The following ANK1 variants were observed in gnomAD, a reference collection of about 807,000 sequenced individuals.
ANK1 encodes ankyrin 1.
Under a neutral mutation model 210.4 loss-of-function variants are expected in ANK1, and 51 were observed. The observed-to-expected ratio is 0.24, with a 90% CI of 0.19 to 0.31. The LOEUF is 0.31. ANK1 is among the 10% of genes least tolerant of loss of function. The pLI, the probability that ANK1 is intolerant of heterozygous loss-of-function variation, is 1.00. For synonymous variants in ANK1, 967 were observed against 1,025.9 expected (o/e 0.94, Z 1.10); for missense variants, 2,051 against 2,504.4 (o/e 0.82, Z 3.86).
rs59985416 is a variant in ANK1, at chr8:41,703,450, A to ATATTT, written c.2295+590_2295+591insAAATA. ...TATATATATATATATATATATATAT[A>ATATTT]TTTTTTTTTTTTTTTTAAGACACAA... is the stretch of plus-strand genomic sequence containing the variant. On this transcript the variant is annotated intron_variant, in intron 20 of 42. Coordinates refer to ENST00000289734, the MANE Select transcript of ANK1 (RefSeq NM_000037.4). 2.9e-3 allele frequency among the ~76,000 whole-genome samples: 173 copies of ATATTT among 58,810 alleles called. 1 individual carries two copies. The highest frequency in any genetic ancestry group is 9.8e-3 in the Middle Eastern group (1 of 102). The allele number at this position is 58,810 out of a possible 152,430, so 38.6% of individuals were successfully genotyped here.
chr8:41,661,989 G>A (rs151009668), intron 40 of ANK1, 48 bp from the exon 41 acceptor site: 21 of 1,601,696 alleles, frequency 1.3e-5, no homozygotes, highest in Middle Eastern at 1.7e-4. Context: ...CCGGGCTCGG[G>A]GGCTCATGTC....
intron 38 of ANK1, among the ~76,000 whole-genome samples, chr8:41,669,768 C>T (rs554193424): frequency 5.3e-5 from 8 of 152,356 alleles, no homozygotes; most frequent in East Asian, 1.9e-4. Context: ...AGCCCACAAG[C>T]CCACGGCCCT....
intron 3 of ANK1, among the ~76,000 whole-genome samples, chr8:41,731,764 C>CA (rs2150669447): frequency 6.6e-6 from 1 of 152,292 alleles, no homozygotes; most frequent in South Asian, 2.1e-4. Context: ...TGTTCACTTG[C>CA]AAAATCACAA....
chr8:41,763,133 T>C (rs1200558912), intron 1 of ANK1, among the ~76,000 whole-genome samples: 2 of 151,506 alleles, frequency 1.3e-5, no homozygotes, highest in African/African-American at 2.4e-5. Flanking sequence ...GAAGAATCAC[T>C]TGGACCTGGG....
intron 38 of ANK1, among the ~76,000 whole-genome samples, chr8:41,669,132 G>A (rs558274344): frequency 6.6e-6 from 1 of 151,484 alleles, no homozygotes; most frequent in Admixed American, 6.6e-5. Context: ...CCGGGGTGCA[G>A]TTCTCAGACC....
intron 2 of ANK1, among the ~76,000 whole-genome samples, chr8:41,754,821 G>T (rs1838695123): frequency 6.6e-6 from 1 of 152,164 alleles, no homozygotes; most frequent in Non-Finnish European, 1.5e-5. Context: ...AAACCAAACT[G>T]CCCTGTGCAA....
At chr8:41,880,716 C>A (rs951221710) in intron 1 of ANK1, among the ~76,000 whole-genome samples, 2 of 152,234 alleles carry the variant, frequency 1.3e-5, no homozygotes, top group African/African-American at 4.8e-5. Flanking sequence ...ATAATCTATC[C>A]AGGACACATT....
intron 1 of ANK1, among the ~76,000 whole-genome samples, chr8:41,803,056 AG>A (rs1850285459): frequency 6.0e-4 from 29 of 48,122 alleles, no homozygotes; most frequent in Admixed American, 2.3e-3. Flanking sequence ...AGAAAGAAAG[AG>A]AGAAAGGAAG....
intron 41 of ANK1, 102 bp downstream of exon 41, chr8:41,661,774 C>A: frequency 1.2e-6 from 2 of 1,612,168 alleles, no homozygotes; most frequent in Non-Finnish European, 1.7e-6. Flanking sequence ...GGCGCTGGGT[C>A]CCCCAGGGCC....
At chr8:41,826,106 C>T (rs10504044) in intron 1 of ANK1, among the ~76,000 whole-genome samples, 1 of 151,946 alleles carries the variant, frequency 6.6e-6, no homozygotes, top group Non-Finnish European at 1.5e-5. Flanking sequence ...AATGTCAGAA[C>T]TAGGAAATGT....
At position 41,727,371 on chromosome 8, in the gene ANK1, A is replaced by C. The variant is rs377070966; in HGVS notation, c.328-23T>G. 4.6e-4 allele frequency: 725 copies of C among 1,561,854 alleles called. 1 individual carries two copies. Among genetic ancestry groups the C allele is most frequent in the Non-Finnish European group, 3.3e-4 (375 of 1,133,142 alleles). On this transcript the variant is annotated intron_variant, in intron 4 of 42. Coordinates refer to ENST00000289734, the MANE Select transcript of ANK1 (RefSeq NM_000037.4). ...TTTCTGTAAACCAAGAGAGGACATC[A>C]TTAGCATCCACCCGCAATTTAAGAA...
At chr8:41,824,093 G>A (rs1804939347) in intron 1 of ANK1, among the ~76,000 whole-genome samples, 2 of 151,952 alleles carry the variant, frequency 1.3e-5, no homozygotes, top group African/African-American at 4.8e-5. Context: ...CTGAGTAGCT[G>A]GGATTACAGG....
chr8:41,704,573 G>T lies in ANK1; in HGVS notation c.2098-101C>A. ...GATTCAAAGAGAGAACGGACAGGGA[G>T]CCCCTTGAAGGCTGACATTGACAAG... is the stretch of plus-strand genomic sequence containing the variant. On this transcript the variant is annotated intron_variant, in intron 18 of 42. Coordinates refer to ENST00000289734, the MANE Select transcript of ANK1 (RefSeq NM_000037.4). This position sits in a 1 kb window ranked among gnomAD's most constrained non-coding sequence, Gnocchi z 4.1. 1 of 1,025,678 alleles carries T rather than the reference G, an allele frequency of 9.7e-7. No individual in the cohort carries two copies. The highest frequency in any genetic ancestry group is 1.5e-6 in the Non-Finnish European group (1 of 659,630). 63.5% of individuals were successfully genotyped at this position (1,025,678 alleles called of 1,614,324 possible).
chr8:41,661,024 A>AT (rs1236839088), intron 42 of ANK1: 17 of 275,332 alleles, frequency 6.2e-5, no homozygotes, highest in Non-Finnish European at 1.1e-4. Context: ...TTCAAAGAGC[A>AT]TTTTTTTCTT....
At chr8:41,877,587 T>C (rs752519408) in intron 1 of ANK1, among the ~76,000 whole-genome samples, 3 of 152,370 alleles carry the variant, frequency 2.0e-5, no homozygotes, top group Middle Eastern at 3.4e-3. Context: ...AAAAAGCCAC[T>C]GCTCTCACAG....
Position 41,694,769 on chromosome 8 carries a change from C to G in ANK1, c.3150G>C (p.Arg1050Ser). ...LGSLEELEKK[R>S]VCRIITTDFP... Reference sequence around the variant, plus strand: ...AGTCGGTGGTGATGATTCGGCACACCCTCTTCTTCTCTAGCTCCTCCAGGC... The same window carrying G: ...AGTCGGTGGTGATGATTCGGCACACGCTCTTCTTCTCTAGCTCCTCCAGGC... The change falls in exon 28 of 43, where the codon AGG becomes AGC. Residue 1050 changes from arginine to serine, a missense_variant. Arg to Ser is a moderately radical substitution (Grantham distance 110). Around this residue, in one of 6 missense-constraint regions of ANK1, gnomAD observed 1,413 missense variants for 1,707.4 expected, o/e 0.83. Transcript: ENST00000289734. The surrounding 1 kb of genome is among the most constrained non-coding windows in gnomAD (Gnocchi z 5.7). 2 of 1,614,112 alleles carry G rather than the reference C, an allele frequency of 1.2e-6. No individual in the cohort carries two copies. Among genetic ancestry groups the G allele is most frequent in the Non-Finnish European group, 1.7e-6 (2 of 1,180,000 alleles).
intron 35 of ANK1, among the ~76,000 whole-genome samples, chr8:41,687,022 C>T (rs935190687): frequency 3.3e-5 from 5 of 152,176 alleles, no homozygotes; most frequent in African/African-American, 1.2e-4. Flanking sequence ...CACACGCCCC[C>T]TGAGCAGCCA....
chr8:41,722,404 G>A (rs545234626), intron 9 of ANK1, among the ~76,000 whole-genome samples: 5 of 152,326 alleles, frequency 3.3e-5, no homozygotes, highest in African/African-American at 1.2e-4. Flanking sequence ...ACTGCTCGTG[G>A]GAAACCTCCT....
Position 41,661,713 on chromosome 8 carries a change from A to T in ANK1, c.5545-149T>A. On this transcript the variant is annotated intron_variant, in intron 41 of 42. Coordinates refer to ENST00000289734, the MANE Select transcript of ANK1 (RefSeq NM_000037.4). Reference sequence around the variant, plus strand: ...TGGAGAGAGAGCTCATAAAGAGGTGAGTGGAGGGAGGTGTCATGCAGACGG... The same window carrying T: ...TGGAGAGAGAGCTCATAAAGAGGTGTGTGGAGGGAGGTGTCATGCAGACGG... 2.5e-6 allele frequency: 4 copies of T among 1,598,374 alleles called. No individual in the cohort carries two copies. In the South Asian group the frequency reaches 4.4e-5, roughly 18 times the overall value.
Sources: allele counts gnomAD v4.1 joint callset (sites outside exome capture counted in the v4.1 genomes callset), GRCh38; gene constraint gnomAD v4.1.1; regional missense constraint gnomAD v4.1.1; non-coding constraint Gnocchi (gnomAD v3.1); transcripts MANE v1.5; gene names NCBI Gene and HGNC (gene_info 2026-07-23, HGNC 2026-07-21).